The following RBM33 variants were observed in gnomAD, a reference collection of about 807,000 sequenced individuals.
RBM33 encodes RNA binding motif protein 33, also known as RNA-binding protein 33.
In RBM33, 28 loss-of-function variants were observed where a neutral mutation model predicts 132.6. The ratio of observed to expected loss-of-function variants is 0.21; its 90% CI spans 0.16 to 0.29. The LOEUF (loss-of-function observed/expected upper bound fraction) is 0.29. Among genes scored for constraint, RBM33 ranks in the 10% least tolerant of loss-of-function variants. The pLI, the probability that RBM33 is intolerant of heterozygous loss-of-function variation, is 1.00. For missense variants in RBM33, 1,291 were observed against 1,518.5 expected (o/e 0.85, Z 2.49); for synonymous variants, 634 against 593.0 (o/e 1.07, Z -1.01).
At chr7:155,751,324 T>A (rs7793226) in intron 14 of RBM33, among the ~76,000 whole-genome samples, 5,008 of 152,260 alleles carry the variant, frequency 0.033, 257 homozygotes, top group African/African-American at 0.11. Context: ...CATGGTGTGT[T>A]ATGATTCAGC....
Position 155,745,344 on chromosome 7 carries a change from G to A in RBM33, c.2721G>A (p.Met907Ile). ...ACATGCAGTATCAAGGACAACAGATGAAAGCACTGAAACATTTGAGACAGA... is the reference window on the plus strand; with the variant it reads ...ACATGCAGTATCAAGGACAACAGATAAAAGCACTGAAACATTTGAGACAGA... ...SANMQYQGQQ[M>I]KALKHLRQTR... Residue 907 changes from methionine to isoleucine, a missense_variant, in exon 14 of 18, where the codon ATG becomes ATA. Met to Ile is a conservative substitution (Grantham distance 10). Coordinates refer to ENST00000401878, the MANE Select transcript of RBM33 (RefSeq NM_053043.3). The surrounding 1 kb of genome is among the most constrained non-coding windows in gnomAD (Gnocchi z 4.1). 2.5e-6 allele frequency: 4 copies of A among 1,613,216 alleles called. No individual in the cohort carries two copies. The highest frequency in any genetic ancestry group is 3.4e-6 in the Non-Finnish European group (4 of 1,179,498).
chr7:155,680,511 A>G, intron 4 of RBM33, 79 bp from the exon 5 acceptor site: 2 of 1,014,954 alleles, frequency 2.0e-6, no homozygotes, highest in South Asian at 1.7e-5. Flanking sequence ...AAATCTTTGT[A>G]ACAGCTATTT....
rs59289310 is a variant in RBM33 at position 155,716,316 on chromosome 7, G to GT, written c.1202-2053dup. Reference sequence around the variant, plus strand: ...TGTCAGCTGTTTTTCCTTTTCTGCTGTTTTTTTTTTTTTTTTAAATAGGGA... The same window carrying GT: ...TGTCAGCTGTTTTTCCTTTTCTGCTGTTTTTTTTTTTTTTTTTAAATAGGGA... On this transcript the variant is annotated intron_variant, in intron 8 of 17. Coordinates refer to ENST00000401878, the MANE Select transcript of RBM33 (RefSeq NM_053043.3). Among the ~76,000 whole-genome samples the GT allele has an allele frequency of 4.7e-3, 481 of 102,338 alleles. 24 individuals carry two copies. The highest frequency in any genetic ancestry group is 0.011 in the South Asian group (32 of 2,902). The allele number at this position is 102,338 out of a possible 152,430, so 67.1% of individuals were successfully genotyped here.
At chr7:155,768,166 T>C (rs145028400) in intron 16 of RBM33, among the ~76,000 whole-genome samples, 1 of 152,282 alleles carries the variant, frequency 6.6e-6, no homozygotes, top group African/African-American at 2.4e-5. Flanking sequence ...TCCTGTGTAG[T>C]CTTGATCATT....
At chr7:155,669,291 T>C (rs1215452417) in intron 2 of RBM33, among the ~76,000 whole-genome samples, 1 of 152,174 alleles carries the variant, frequency 6.6e-6, no homozygotes, top group Non-Finnish European at 1.5e-5. Context: ...GTGTTTTATT[T>C]ATTTTTTTTA....
Position 155,711,243 on chromosome 7 carries a change from A to G in RBM33, c.989A>G (p.Gln330Arg), listed in dbSNP as rs755581926. ...CCACCGCCACCGCCGCCTCAGCAGC[A>G]GCCGATCAGAAGCCTGTTCCAGCCG... ...PPPPPPPPQQ[Q>R]PIRSLFQPQP... Residue 330 changes from glutamine to arginine, a missense_variant, in exon 8 of 18, where the codon CAG (glutamine) becomes CGG (arginine). Coordinates refer to ENST00000401878, the MANE Select transcript of RBM33 (RefSeq NM_053043.3). The G allele has an allele frequency of 6.3e-7, 1 of 1,596,248 alleles. No individual in the cohort carries two copies. Among genetic ancestry groups the G allele is most frequent in the Non-Finnish European group, 8.5e-7 (1 of 1,171,826 alleles).
chr7:155,664,919 T>TA (rs1798760029), intron 1 of RBM33, among the ~76,000 whole-genome samples: 1 of 151,408 alleles, frequency 6.6e-6, no homozygotes. Context: ...CATTTGAGGT[T>TA]TTTTTTTTTG....
intron 15 of RBM33, among the ~76,000 whole-genome samples, 159 bp downstream of exon 15, chr7:155,764,177 T>C (rs554946243): frequency 1.3e-5 from 2 of 152,302 alleles, no homozygotes; most frequent in Non-Finnish European, 2.9e-5. Flanking sequence ...CGCGTTAACA[T>C]TTTCACCAAA....
intron 16 of RBM33, among the ~76,000 whole-genome samples, chr7:155,771,542 C>T (rs1585554650): frequency 6.6e-6 from 1 of 152,124 alleles, no homozygotes; most frequent in East Asian, 1.9e-4. Context: ...CGGATAGCTT[C>T]TCAATCAAAT....
chr7:155,675,527 A>G (rs1799159099), intron 3 of RBM33, among the ~76,000 whole-genome samples: 2 of 152,020 alleles, frequency 1.3e-5, no homozygotes, highest in African/African-American at 2.4e-5. Context: ...TTTTTGTGGA[A>G]GATCTCAAGC....
chr7:155,768,092 G>C (rs541761446), intron 16 of RBM33, among the ~76,000 whole-genome samples: 1 of 152,358 alleles, frequency 6.6e-6, no homozygotes, highest in East Asian at 1.9e-4. Context: ...GCACTTCCCT[G>C]TGGGCAGAAG....
At chr7:155,669,200 A>G (rs770488334) in intron 2 of RBM33, among the ~76,000 whole-genome samples, 1 of 152,156 alleles carries the variant, frequency 6.6e-6, no homozygotes. Context: ...AGGAATTACT[A>G]TGGTAAGTTC....
intron 9 of RBM33, among the ~76,000 whole-genome samples, chr7:155,721,273 A>C (rs1241604198): frequency 1.3e-5 from 2 of 152,154 alleles, no homozygotes; most frequent in Non-Finnish European, 2.9e-5. Context: ...TGGTGCACTT[A>C]GCCACAGGCC....
chr7:155,660,331 A>G (rs913395216), intron 1 of RBM33, among the ~76,000 whole-genome samples: 6 of 152,174 alleles, frequency 3.9e-5, no homozygotes, highest in African/African-American at 1.4e-4. Context: ...TGGCCTCCCA[A>G]AGTGTTGAGA....
At chr7:155,684,864 GA>G (rs1585435007) in intron 5 of RBM33, 2 of 1,487,520 alleles carry the variant, frequency 1.3e-6, no homozygotes, top group Non-Finnish European at 1.8e-6. Flanking sequence ...TCATAAAGAC[GA>G]AAAGTACGTA....
chr7:155,723,248 T>C (rs1800678834), intron 9 of RBM33, among the ~76,000 whole-genome samples: 1 of 152,252 alleles, frequency 6.6e-6, no homozygotes, highest in Admixed American at 6.5e-5. Context: ...ATCCAGACTT[T>C]ATTCCATCCA....
chr7:155,700,817 A>G lies in RBM33; in HGVS notation c.612A>G (p.Glu204=). The G allele has an allele frequency of 6.3e-7, 1 of 1,592,170 alleles. No homozygotes were observed. Among genetic ancestry groups the G allele is most frequent in the Non-Finnish European group, 8.6e-7 (1 of 1,168,512 alleles). ...TLELQKDIKE[E]SDEEEEDDEE... is the part of the protein sequence containing the mutation. The stretch of plus-strand genomic sequence containing the variant: ...AACTTCAAAAGGACATCAAAGAAGA[A>G]TCAGATGAAGAAGAAGAAGATGATG... The change falls in exon 6 of 18, where the codon GAA becomes GAG. Residue 204 remains glutamate, a synonymous_variant. Transcript: ENST00000401878.
At chr7:155,708,102 G>A (rs866986768) in intron 7 of RBM33, among the ~76,000 whole-genome samples, 5 of 152,202 alleles carry the variant, frequency 3.3e-5, no homozygotes, top group African/African-American at 1.2e-4. Flanking sequence ...TAGAGAAAAC[G>A]ACATTTCACT....
At chr7:155,697,128 C>G (rs989590332) in intron 5 of RBM33, among the ~76,000 whole-genome samples, 5 of 152,216 alleles carry the variant, frequency 3.3e-5, no homozygotes, top group Non-Finnish European at 7.4e-5. Context: ...TAAGTGTAGG[C>G]TACCTTAAGG....
Sources: gnomAD v4.1 joint callset for allele counts (sites outside exome capture counted in the v4.1 genomes callset) on GRCh38, gnomAD v4.1.1 for gene constraint, Gnocchi (gnomAD v3.1) non-coding constraint, MANE v1.5 for transcripts, NCBI Gene and HGNC (gene_info 2026-07-23, HGNC 2026-07-21) for gene names.